ESRRG: variants seen among roughly 807,000 people sequenced by gnomAD.
The protein encoded by ESRRG is estrogen related receptor gamma, also known as estrogen-related receptor gamma.
Under a neutral mutation model 44.0 loss-of-function variants are expected in ESRRG, and 13 were observed. The observed-to-expected ratio is 0.30, with a 90% CI of 0.19 to 0.47. ESRRG has a LOEUF of 0.47. Among genes scored for constraint, ESRRG ranks in the 20% least tolerant of loss-of-function variants. The pLI is 1.00. For missense variants in ESRRG, 395 were observed against 580.6 expected (o/e 0.68, Z 3.29); for synonymous variants, 215 against 214.6 (o/e 1.00, Z -0.02).
chr1:216,821,136 T>C (rs1320671226), intron 2 of ESRRG, among the ~76,000 whole-genome samples: 2 of 152,192 alleles, frequency 1.3e-5, no homozygotes, highest in African/African-American at 4.8e-5. Flanking sequence ...CATAAACAGT[T>C]GGAAAGAGAA....
At chr1:216,784,463 A>G (rs2094050318) in intron 2 of ESRRG, among the ~76,000 whole-genome samples, 1 of 152,064 alleles carries the variant, frequency 6.6e-6, no homozygotes. Flanking sequence ...AACATACACA[A>G]TCTAGAATAT....
chr1:216,555,469 C>A (rs752412818), intron 5 of ESRRG, among the ~76,000 whole-genome samples: 1 of 149,740 alleles, frequency 6.7e-6, no homozygotes, highest in Admixed American at 6.7e-5. Context: ...ATTATATGCA[C>A]AAAATATAGT....
At chr1:216,816,887 G>A (rs1427014477) in intron 2 of ESRRG, among the ~76,000 whole-genome samples, 1 of 152,136 alleles carries the variant, frequency 6.6e-6, no homozygotes, top group Non-Finnish European at 1.5e-5. Context: ...ATCTATCACG[G>A]TTTCATTATC....
At chr1:216,940,084 T>C (rs2064970038) in intron 1 of ESRRG, among the ~76,000 whole-genome samples, 2 of 152,178 alleles carry the variant, frequency 1.3e-5, no homozygotes, top group South Asian at 4.1e-4. Flanking sequence ...TTACTTCACA[T>C]TAGTCTCAAA....
intron 2 of ESRRG, among the ~76,000 whole-genome samples, chr1:216,747,876 G>A (rs1235643650): frequency 6.6e-6 from 1 of 152,042 alleles, no homozygotes; most frequent in East Asian, 1.9e-4. Context: ...AATCCAGTAG[G>A]TTTCCTCCCT....
chr1:216,800,473 T>C (rs1178985952), intron 2 of ESRRG, among the ~76,000 whole-genome samples: 1 of 152,138 alleles, frequency 6.6e-6, no homozygotes, highest in Non-Finnish European at 1.5e-5. Context: ...CTATCCAAAA[T>C]ACACAGTTAA....
rs114063450 is a variant in ESRRG at position 216,569,894 on chromosome 1, A to T, written c.590-1796T>A. Reference sequence around the variant, plus strand: ...TAAGAGGAAGCTACATAGCACATGCAGTGTTTTGCAAACCAATTGAACCAG... The same window carrying T: ...TAAGAGGAAGCTACATAGCACATGCTGTGTTTTGCAAACCAATTGAACCAG... On this transcript the variant is annotated intron_variant, in intron 3 of 6. Coordinates refer to ENST00000408911, the MANE Select transcript of ESRRG (RefSeq NM_001438.4). 1.3e-3 allele frequency among the ~76,000 whole-genome samples: 196 copies of T among 152,310 alleles called. 1 individual carries two copies. The highest frequency in any genetic ancestry group is 4.5e-3 in the African/African-American group (187 of 41,570).
At chr1:216,794,179 A>C (rs1271530946) in intron 2 of ESRRG, among the ~76,000 whole-genome samples, 1 of 152,146 alleles carries the variant, frequency 6.6e-6, no homozygotes, top group Non-Finnish European at 1.5e-5. Context: ...TGGCCTCACC[A>C]CCTAAGACAT....
intron 2 of ESRRG, among the ~76,000 whole-genome samples, chr1:216,794,013 A>C (rs1038738254): frequency 1.3e-5 from 2 of 151,978 alleles, no homozygotes; most frequent in African/African-American, 2.4e-5. Flanking sequence ...ATAGAAGAGA[A>C]AAAAATTCTG....
At chr1:216,739,365 A>T (rs2090382111) in intron 2 of ESRRG, among the ~76,000 whole-genome samples, 1 of 152,218 alleles carries the variant, frequency 6.6e-6, no homozygotes. Flanking sequence ...AACAAAACAA[A>T]GACAACTCCT....
At chr1:216,737,141 A>T (rs1005930111) in intron 2 of ESRRG, among the ~76,000 whole-genome samples, 1 of 151,704 alleles carries the variant, frequency 6.6e-6, no homozygotes, top group Non-Finnish European at 1.5e-5. Context: ...ACTTTTAAAA[A>T]CTCTAAATTC....
At chr1:216,578,158 A>G (rs1360518684) in intron 3 of ESRRG, among the ~76,000 whole-genome samples, 2 of 152,088 alleles carry the variant, frequency 1.3e-5, no homozygotes, top group African/African-American at 2.4e-5. Context: ...AGAGAATTAT[A>G]CCTCTTTAGG....
intron 3 of ESRRG, among the ~76,000 whole-genome samples, chr1:216,638,874 T>C (rs960082195): frequency 3.3e-5 from 5 of 152,208 alleles, no homozygotes; most frequent in Admixed American, 3.3e-4. Flanking sequence ...ACCCCAACTC[T>C]AGATGTTGTA....
intron 3 of ESRRG, among the ~76,000 whole-genome samples, chr1:216,621,273 T>TA (rs2062191220): frequency 6.6e-6 from 1 of 152,222 alleles, no homozygotes; most frequent in Non-Finnish European, 1.5e-5. Flanking sequence ...TGGAAAATTA[T>TA]GCCTGTCTAG....
intron 1 of ESRRG, among the ~76,000 whole-genome samples, chr1:216,991,814 T>C (rs2075757053): frequency 6.6e-6 from 1 of 152,192 alleles, no homozygotes; most frequent in South Asian, 2.1e-4. Flanking sequence ...ATGTAAACTA[T>C]ACATTCTGCA....
chr1:216,979,545 A>G (rs755909264), intron 1 of ESRRG, among the ~76,000 whole-genome samples: 24 of 152,122 alleles, frequency 1.6e-4, no homozygotes, highest in Non-Finnish European at 3.1e-4. Context: ...AATGCAGGAT[A>G]GTGGAATCAC....
chr1:217,015,298 A>G (rs1196597163), intron 1 of ESRRG, among the ~76,000 whole-genome samples: 2 of 152,186 alleles, frequency 1.3e-5, no homozygotes, highest in African/African-American at 4.8e-5. Flanking sequence ...TGAATGTCCA[A>G]TTTTGCATTT....
At chr1:216,916,609 T>C (rs552934627) in intron 2 of ESRRG, among the ~76,000 whole-genome samples, 2 of 152,300 alleles carry the variant, frequency 1.3e-5, no homozygotes, top group African/African-American at 4.8e-5. Context: ...CCTATACCAC[T>C]GCTGTGTTCC....
At chr1:217,029,898 GA>G (rs2081803019) in intron 1 of ESRRG, among the ~76,000 whole-genome samples, 1 of 152,208 alleles carries the variant, frequency 6.6e-6, no homozygotes. Flanking sequence ...ATAAAGCAAT[GA>G]AACGCTCTTT....
Sources: allele counts gnomAD v4.1 joint callset (sites outside exome capture counted in the v4.1 genomes callset), GRCh38; gene constraint gnomAD v4.1.1; transcripts MANE v1.5; gene names NCBI Gene and HGNC (gene_info 2026-07-23, HGNC 2026-07-21).